The following SYNPO2 variants were observed in gnomAD, a reference collection of about 807,000 sequenced individuals.
The protein encoded by SYNPO2 is synaptopodin 2.
Under a neutral mutation model 85.0 loss-of-function variants are expected in SYNPO2, and 56 were observed. That is an observed-to-expected ratio of 0.66 (90% CI 0.53 to 0.82). SYNPO2 has a LOEUF of 0.82. Ranked by LOEUF, SYNPO2 falls within the 40% of genes least tolerant of loss-of-function variation. The pLI, the probability that SYNPO2 is intolerant of heterozygous loss-of-function variation, is 0.00. For missense variants in SYNPO2, 1,575 were observed against 1,534.2 expected (o/e 1.03, Z -0.44); for synonymous variants, 602 against 591.1 (o/e 1.02, Z -0.27).
At chr4:118,953,180 G>T (rs759012884) in intron 1 of SYNPO2, among the ~76,000 whole-genome samples, 16 of 152,108 alleles carry the variant, frequency 1.1e-4, no homozygotes, top group Non-Finnish European at 1.8e-4. Flanking sequence ...AAACACGTTG[G>T]TCATCTTCAC....
chr4:118,953,668 C>A (rs1356814416), intron 1 of SYNPO2, among the ~76,000 whole-genome samples: 5 of 151,910 alleles, frequency 3.3e-5, no homozygotes, highest in Non-Finnish European at 7.4e-5. Flanking sequence ...CACTTTGTAC[C>A]ATATGGAAAT....
At chr4:119,036,755 A>G (rs1738528404) in intron 4 of SYNPO2, 13 of 990,876 alleles carry the variant, frequency 1.3e-5, no homozygotes, top group Non-Finnish European at 1.6e-5. Context: ...TAAAAACTGT[A>G]TGTTTCTGTG....
intron 1 of SYNPO2, among the ~76,000 whole-genome samples, chr4:118,933,377 A>AAG (rs1347585091): frequency 6.6e-6 from 1 of 152,224 alleles, no homozygotes; most frequent in Admixed American, 6.5e-5. Flanking sequence ...GTGGGGTCTT[A>AAG]GTCTGCCTCT....
intron 1 of SYNPO2, among the ~76,000 whole-genome samples, chr4:119,019,646 C>T (rs1396194558): frequency 6.6e-6 from 1 of 152,162 alleles, no homozygotes; most frequent in Admixed American, 6.5e-5. Flanking sequence ...GAACTTTACA[C>T]ACATTATTTC....
At chr4:119,047,088 T>G (rs1007478420) in intron 4 of SYNPO2, among the ~76,000 whole-genome samples, 3 of 152,218 alleles carry the variant, frequency 2.0e-5, no homozygotes, top group Admixed American at 6.5e-5. Flanking sequence ...TAGATGAAGT[T>G]TCACTCTTGT....
chr4:119,000,279 A>G (rs1324283084), intron 1 of SYNPO2, among the ~76,000 whole-genome samples: 1 of 152,204 alleles, frequency 6.6e-6, no homozygotes, highest in Admixed American at 6.5e-5. Context: ...TGTGAAGGAA[A>G]AAGACCACTT....
intron 1 of SYNPO2, among the ~76,000 whole-genome samples, chr4:118,861,857 T>A (rs1384049360): frequency 6.6e-6 from 1 of 152,060 alleles, no homozygotes; most frequent in East Asian, 1.9e-4. Flanking sequence ...ATTTTAGGAT[T>A]TTTTTTTCTA....
chr4:118,868,908 G>GC (rs749156952), intron 1 of SYNPO2, among the ~76,000 whole-genome samples: 54 of 152,292 alleles, frequency 3.5e-4, no homozygotes, highest in Middle Eastern at 3.4e-3. Flanking sequence ...GGACAGAGGG[G>GC]CTTAAGAGTC....
At chr4:118,963,109 C>A (rs1022320807) in intron 1 of SYNPO2, among the ~76,000 whole-genome samples, 2 of 152,052 alleles carry the variant, frequency 1.3e-5, no homozygotes, top group African/African-American at 4.8e-5. Context: ...GCATTTAATT[C>A]CAAGAAAAAG....
intron 1 of SYNPO2, among the ~76,000 whole-genome samples, chr4:118,957,044 CAAAAAAAATAAAAAAAAT>C (rs199706263): frequency 6.7e-6 from 1 of 148,170 alleles, no homozygotes; most frequent in Non-Finnish European, 1.5e-5. Flanking sequence ...GACTCCATCT[CAAAAAAAATAAAAAAAAT>C]AAAAAAAATA....
intron 4 of SYNPO2, chr4:119,038,243 A>G (rs1235777760): frequency 6.1e-6 from 6 of 985,406 alleles, no homozygotes; most frequent in African/African-American, 1.7e-5. Flanking sequence ...CTTTGTAGAT[A>G]GCTTTGACCA....
intron 1 of SYNPO2, among the ~76,000 whole-genome samples, chr4:118,903,916 C>A (rs1268225944): frequency 6.6e-6 from 1 of 152,016 alleles, no homozygotes; most frequent in Non-Finnish European, 1.5e-5. Flanking sequence ...AGGGGTTTCA[C>A]CATGTTGGCC....
At chr4:118,926,867 C>T (rs1430892884) in intron 1 of SYNPO2, among the ~76,000 whole-genome samples, 1 of 152,166 alleles carries the variant, frequency 6.6e-6, no homozygotes, top group Non-Finnish European at 1.5e-5. Context: ...AGTACACGAG[C>T]AGATTCCCTT....
intron 4 of SYNPO2, among the ~76,000 whole-genome samples, chr4:119,050,790 A>T (rs1331240813): frequency 6.6e-6 from 1 of 152,242 alleles, no homozygotes; most frequent in African/African-American, 2.4e-5. Context: ...ATCAAAGAAC[A>T]GAATACTCTA....
intron 1 of SYNPO2, among the ~76,000 whole-genome samples, chr4:118,930,146 G>A (rs1354377969): frequency 6.6e-6 from 1 of 152,080 alleles, no homozygotes; most frequent in Non-Finnish European, 1.5e-5. Context: ...CATTTATTAT[G>A]TGCCAGGTAT....
rs535350802 is a variant in SYNPO2, at chr4:118,976,833, G to A, written c.106-46597G>A. Among the ~76,000 whole-genome samples, 5 of 152,282 alleles carry A rather than the reference G, an allele frequency of 3.3e-5. No individual in the cohort carries two copies. The South Asian group carries it at 6.2e-4, about 19-fold the overall frequency. On this transcript the variant is annotated intron_variant, in intron 1 of 4. Coordinates refer to ENST00000307142, the MANE Select transcript of SYNPO2 (RefSeq NM_133477.3). ...TGAGCTAGACATAAAGGTTCTCCAC[G>A]TCCTCACCAGAGCAGCTAGATACAG...
At chr4:118,956,813 G>A (rs933922092) in intron 1 of SYNPO2, among the ~76,000 whole-genome samples, 1 of 152,126 alleles carries the variant, frequency 6.6e-6, no homozygotes, top group Non-Finnish European at 1.5e-5. Context: ...GGGAGGGCGA[G>A]GTGGGCAGAT....
chr4:119,057,344 T>A, intron 4 of SYNPO2, 57 bp from the exon 5 acceptor site: 3 of 1,485,562 alleles, frequency 2.0e-6, no homozygotes, highest in Non-Finnish European at 2.7e-6. Context: ...TACTTTGGAG[T>A]AACAATCAGC....
chr4:118,981,772 A>G (rs1362846507), intron 1 of SYNPO2, among the ~76,000 whole-genome samples: 1 of 151,980 alleles, frequency 6.6e-6, no homozygotes, highest in East Asian at 1.9e-4. Context: ...TTTTACTCCT[A>G]TGTCTTTTGG....
Sources: gnomAD v4.1 joint callset for allele counts (sites outside exome capture counted in the v4.1 genomes callset) on GRCh38, gnomAD v4.1.1 for gene constraint, MANE v1.5 for transcripts, NCBI Gene and HGNC (gene_info 2026-07-23, HGNC 2026-07-21) for gene names.